Variants in WWTR1 observed in about 807,000 individuals in gnomAD.
WWTR1 encodes the protein WW domain containing transcription regulator 1, also known as WW domain-containing transcription regulator protein 1.
Under a neutral mutation model 40.1 loss-of-function variants are expected in WWTR1, and 13 were observed. The ratio of observed to expected loss-of-function variants is 0.32; its 90% confidence interval spans 0.21 to 0.52. The LOEUF is 0.52. Ranked by LOEUF, WWTR1 falls within the 20% of genes least tolerant of loss-of-function variation. The pLI is 0.97. For missense variants in WWTR1, 436 were observed against 523.1 expected, an observed-to-expected ratio of 0.83 and a Z score of 1.63; for synonymous variants, 230 against 210.1, an observed-to-expected ratio of 1.09 and a Z score of -0.82.
chr3:149,696,756 T>C (rs1210826090), intron 1 of WWTR1, among the ~76,000 whole-genome samples: 1 of 152,164 alleles, frequency 6.6e-6, no homozygotes, highest in East Asian at 1.9e-4. Flanking sequence ...TTTGAATTCA[T>C]TCTCCATCCC....
At chr3:149,525,488 A>T (rs1329188576) in intron 6 of WWTR1, 2 of 151,592 alleles carry the variant, frequency 1.3e-5, no homozygotes, top group Admixed American at 1.3e-4. Context: ...CTGCGCCCAG[A>T]TGTAAAACTA....
chr3:149,543,580 C>CAA lies in WWTR1; in HGVS notation c.569-1045_569-1044dup, dbSNP rs755442408. Among the ~76,000 whole-genome samples the CAA allele has an allele frequency of 5.6e-3, 176 of 31,206 alleles. 15 individuals carry two copies. Among genetic ancestry groups the CAA allele is most frequent in the Non-Finnish European group, 6.9e-3 (120 of 17,398 alleles). The allele number at this position is 31,206 out of a possible 152,430, so 20.5% of individuals were successfully genotyped here. A position where few individuals can be genotyped will look rare whatever the true frequency, so the allele number is the denominator to read the frequency against. ...CTGGTGACAAAGAAAGACTCTGTCT[C>CAA]AAAAAAAAAAAAAAAAAAAAAAAGA... On this transcript the variant is annotated intron_variant, in intron 3 of 6. Transcript: ENST00000360632.
At chr3:149,610,802 T>A (rs999863419) in intron 2 of WWTR1, among the ~76,000 whole-genome samples, 2 of 152,078 alleles carry the variant, frequency 1.3e-5, no homozygotes, top group Admixed American at 1.3e-4. Flanking sequence ...TTATACAACA[T>A]CCGGGGGACT....
At chr3:149,535,198 T>A (rs1227805817) in intron 4 of WWTR1, among the ~76,000 whole-genome samples, 1 of 151,714 alleles carries the variant, frequency 6.6e-6, no homozygotes, top group African/African-American at 2.4e-5. Flanking sequence ...ATTGGATTGT[T>A]TTAATTATAA....
intron 4 of WWTR1, among the ~76,000 whole-genome samples, chr3:149,540,484 G>GT (rs1736043209): frequency 6.6e-6 from 1 of 152,148 alleles, no homozygotes; most frequent in Non-Finnish European, 1.5e-5. Flanking sequence ...TCACAACTTT[G>GT]TGTAAAGAAA....
At chr3:149,684,004 A>G (rs1380312823) in intron 1 of WWTR1, among the ~76,000 whole-genome samples, 1 of 152,198 alleles carries the variant, frequency 6.6e-6, no homozygotes, top group Non-Finnish European at 1.5e-5. Context: ...TGTTTTGTTC[A>G]TAATAGCAAA....
intron 5 of WWTR1, among the ~76,000 whole-genome samples, chr3:149,712,324 T>G (rs529397361): frequency 6.6e-6 from 1 of 152,224 alleles, no homozygotes; most frequent in East Asian, 1.9e-4. Context: ...TTATTTTAAG[T>G]ATCTTTGCTA....
intron 2 of WWTR1, among the ~76,000 whole-genome samples, chr3:149,586,371 TGA>T (rs1252831760): frequency 6.6e-6 from 1 of 152,100 alleles, no homozygotes; most frequent in Non-Finnish European, 1.5e-5. Context: ...TGAAGAGAAG[TGA>T]GTTTTATTCT....
intron 2 of WWTR1, among the ~76,000 whole-genome samples, chr3:149,602,356 G>T (rs1052895501): frequency 6.6e-6 from 1 of 152,184 alleles, no homozygotes; most frequent in Non-Finnish European, 1.5e-5. Flanking sequence ...TTGGATTAAA[G>T]AATAAGCAAA....
At chr3:149,633,104 T>C (rs904754498) in intron 2 of WWTR1, among the ~76,000 whole-genome samples, 13 of 152,312 alleles carry the variant, frequency 8.5e-5, no homozygotes, top group African/African-American at 2.9e-4. Flanking sequence ...AAAAAATAAG[T>C]ATGGCCAGGC....
intron 1 of WWTR1, among the ~76,000 whole-genome samples, chr3:149,684,447 C>T (rs1476372884): frequency 1.3e-5 from 2 of 152,154 alleles, no homozygotes; most frequent in African/African-American, 4.8e-5. Flanking sequence ...CTATTCATTA[C>T]TTTAAAAGTA....
At chr3:149,684,335 T>C (rs1302798265) in intron 1 of WWTR1, among the ~76,000 whole-genome samples, 1 of 152,178 alleles carries the variant, frequency 6.6e-6, no homozygotes, top group Non-Finnish European at 1.5e-5. Context: ...TTTGAAAAGA[T>C]ATAAATGATG....
chr3:149,611,683 A>AGGAT (rs1312572379), intron 2 of WWTR1, among the ~76,000 whole-genome samples: 1 of 152,206 alleles, frequency 6.6e-6, no homozygotes, highest in Non-Finnish European at 1.5e-5. Flanking sequence ...AATGGGGTAC[A>AGGAT]GGATATGAGG....
chr3:149,666,924 C>G (rs1286342411), intron 2 of WWTR1, among the ~76,000 whole-genome samples: 1 of 152,148 alleles, frequency 6.6e-6, no homozygotes, highest in Non-Finnish European at 1.5e-5. Context: ...CATTTTTCCT[C>G]CACTGACTTA....
At position 149,696,103 on chromosome 3, in the gene WWTR1, ACT is replaced by A. The variant is rs1434851514; in HGVS notation, c.-108+7019_-108+7020del. 3.1e-5 allele frequency among the ~76,000 whole-genome samples: 3 copies of A among 97,220 alleles called. No homozygotes were observed. In the Admixed American group the frequency reaches 4.0e-4, roughly 13 times the overall value. The allele number at this position is 97,220 out of a possible 152,430, so 63.8% of individuals were successfully genotyped here. A position where few individuals can be genotyped will look rare whatever the true frequency, so the allele number is the denominator to read the frequency against. ...ACTCCAGCCTGGGCGACAGAGCGAGACTCTGTCTCAAAAAAAAAAAAAAAAAA... is the reference window on the plus strand; with the variant it reads ...ACTCCAGCCTGGGCGACAGAGCGAGACTGTCTCAAAAAAAAAAAAAAAAAA... On this transcript the variant is annotated intron_variant, in intron 1 of 7. Transcript: ENST00000465804.
chr3:149,657,894 C>G lies in WWTR1; in HGVS notation c.-133G>C, dbSNP rs1713353911. On this transcript the variant is annotated 5_prime_UTR_variant, in exon 1 of 7. Coordinates refer to ENST00000360632, the MANE Select transcript of WWTR1 (RefSeq NM_015472.6). Reference sequence around the variant, plus strand: ...GGAGCCGAGGCTTGGCTGACAAATCCCGACCCGACTCTGTGCCTGGCAGTC... The same window carrying G: ...GGAGCCGAGGCTTGGCTGACAAATCGCGACCCGACTCTGTGCCTGGCAGTC... The G allele has an allele frequency of 6.5e-6, 1 of 153,324 alleles. No homozygotes were observed. The highest frequency in any genetic ancestry group is 1.4e-5 in the Non-Finnish European group (1 of 68,976). 9.5% of individuals were successfully genotyped at this position (153,324 alleles called of 1,614,324 possible). A position where few individuals can be genotyped will look rare whatever the true frequency, so the allele number is the denominator to read the frequency against.
intron 2 of WWTR1, among the ~76,000 whole-genome samples, chr3:149,610,976 G>A (rs939775346): frequency 7.7e-5 from 11 of 141,976 alleles, no homozygotes; most frequent in Non-Finnish European, 1.5e-4. Flanking sequence ...GACCCCATCT[G>A]TACAAAAAAA....
At chr3:149,574,952 G>A (rs957095975) in intron 2 of WWTR1, among the ~76,000 whole-genome samples, 5 of 151,874 alleles carry the variant, frequency 3.3e-5, no homozygotes, top group Admixed American at 1.3e-4. Context: ...AAAAGTAGCC[G>A]GCATGGTGAT....
intron 2 of WWTR1, among the ~76,000 whole-genome samples, chr3:149,628,232 T>C (rs533720559): frequency 2.0e-5 from 3 of 151,942 alleles, no homozygotes; most frequent in Non-Finnish European, 2.9e-5. Flanking sequence ...TAGCTGGGCG[T>C]GGTGGCGGGC....
Sources: allele counts gnomAD v4.1 joint callset (sites outside exome capture counted in the v4.1 genomes callset), GRCh38; gene constraint gnomAD v4.1.1; transcripts MANE v1.5; gene names NCBI Gene and HGNC (gene_info 2026-07-23, HGNC 2026-07-21).